IMPG2: variants seen among roughly 807,000 people sequenced by gnomAD.
IMPG2 encodes IPM 200.
A neutral mutation model predicts 129.2 loss-of-function variants in IMPG2; 91 were observed. That is an observed-to-expected ratio of 0.70 (90% CI 0.59 to 0.84). The LOEUF (loss-of-function observed/expected upper bound fraction) is 0.84. IMPG2 is among the 40% of genes least tolerant of loss of function. The probability of loss-of-function intolerance (pLI) is 0.00; values close to 1 mark genes in which losing one functional copy is unlikely to be tolerated. For missense variants in IMPG2, 1,430 were observed against 1,461.7 expected (o/e 0.98, Z 0.35); for synonymous variants, 510 against 517.7 (o/e 0.99, Z 0.20).
At chr3:101,240,119 TTTTTTA>T (rs1559641598) in intron 14 of IMPG2, among the ~76,000 whole-genome samples, 1 of 152,102 alleles carries the variant, frequency 6.6e-6, no homozygotes, top group African/African-American at 2.4e-5. Context: ...TTATTTTTTA[TTTTTTA>T]TTTTTTTTTA....
At chr3:101,286,285 C>T (rs1706945086) in intron 4 of IMPG2, among the ~76,000 whole-genome samples, 1 of 152,034 alleles carries the variant, frequency 6.6e-6, no homozygotes, top group African/African-American at 2.4e-5. Context: ...TATTCTAAAA[C>T]ATTTAAAAGG....
At chr3:101,278,452 T>G (rs77775200) in intron 4 of IMPG2, among the ~76,000 whole-genome samples, 2,122 of 152,210 alleles carry the variant, frequency 0.014, 50 homozygotes, top group African/African-American at 0.049. Flanking sequence ...GCACACACTT[T>G]GAGGCATCAG....
chr3:101,294,239 C>A (rs976876136), intron 3 of IMPG2, among the ~76,000 whole-genome samples: 12 of 151,998 alleles, frequency 7.9e-5, no homozygotes, highest in Admixed American at 1.3e-4. Context: ...CTCTCCCTCC[C>A]CTTGGCCCCC....
intron 6 of IMPG2, among the ~76,000 whole-genome samples, 158 bp from the exon 7 acceptor site, chr3:101,273,900 T>C (rs549923016): frequency 6.6e-6 from 1 of 152,206 alleles, no homozygotes; most frequent in Admixed American, 6.6e-5. Flanking sequence ...GGGTAGACTT[T>C]AAGACACAGG....
intron 2 of IMPG2, among the ~76,000 whole-genome samples, chr3:101,308,527 C>T (rs867915332): frequency 6.6e-6 from 1 of 152,244 alleles, no homozygotes; most frequent in Non-Finnish European, 1.5e-5. Context: ...ATGTTGGCCC[C>T]TTTTAGCCAT....
chr3:101,318,026 C>T (rs1335360416), intron 2 of IMPG2, among the ~76,000 whole-genome samples: 3 of 151,786 alleles, frequency 2.0e-5, no homozygotes, highest in East Asian at 1.9e-4. Flanking sequence ...ATCCCAGCTA[C>T]TTGGGAGGCT....
chr3:101,232,859 C>T lies in IMPG2; in HGVS notation c.3155G>A (p.Ser1052Asn). The T allele has an allele frequency of 6.2e-7, 1 of 1,613,822 alleles. No individual in the cohort carries two copies. Among genetic ancestry groups the T allele is most frequent in the Non-Finnish European group, 8.5e-7 (1 of 1,179,990 alleles). ...GAAGTCAGGCTGTAGGTCACAGAGACTCTGACAGGGCCGTTCTTCCACACT... is the reference window on the plus strand; with the variant it reads ...GAAGTCAGGCTGTAGGTCACAGAGATTCTGACAGGGCCGTTCTTCCACACT... ...YLSVEERPCQSLCDLQPDFCL... is the reference protein window; with the variant it reads ...YLSVEERPCQNLCDLQPDFCL... Residue 1052 changes from serine to asparagine, a missense_variant, in exon 15 of 19, where the codon AGT (serine) becomes AAT (asparagine). By Grantham distance (46) the Ser-to-Asn change is conservative (BLOSUM62 1). Coordinates refer to ENST00000193391, the MANE Select transcript of IMPG2 (RefSeq NM_016247.4).
intron 4 of IMPG2, among the ~76,000 whole-genome samples, chr3:101,280,545 T>C (rs79521492): frequency 6.6e-6 from 1 of 152,290 alleles, no homozygotes; most frequent in East Asian, 1.9e-4. Flanking sequence ...TAAAATATTA[T>C]ATGCAGAAGC....
intron 13 of IMPG2, among the ~76,000 whole-genome samples, chr3:101,243,262 A>G (rs1051688318): frequency 6.6e-6 from 1 of 152,216 alleles, no homozygotes; most frequent in South Asian, 2.1e-4. Context: ...AGAAATGTCA[A>G]ACTTACTGTA....
At chr3:101,227,059 C>T (rs1559638087) in intron 18 of IMPG2, 78 bp from the exon 19 acceptor site, 2 of 1,337,002 alleles carry the variant, frequency 1.5e-6, no homozygotes, top group East Asian at 4.6e-5. Flanking sequence ...TCATACATCA[C>T]TAAGCTATAC....
chr3:101,314,755 AT>A (rs2058775624), intron 2 of IMPG2, among the ~76,000 whole-genome samples: 1 of 152,208 alleles, frequency 6.6e-6, no homozygotes, highest in African/African-American at 2.4e-5. Context: ...AAATGAATGA[AT>A]AAAAATCAGA....
intron 4 of IMPG2, among the ~76,000 whole-genome samples, chr3:101,287,526 T>G (rs1409901391): frequency 6.6e-6 from 1 of 152,124 alleles, no homozygotes; most frequent in Non-Finnish European, 1.5e-5. Context: ...AGAATGGTAC[T>G]GGTACAAAAA....
chr3:101,280,709 G>T (rs747963111), intron 4 of IMPG2, among the ~76,000 whole-genome samples: 1 of 152,122 alleles, frequency 6.6e-6, no homozygotes, highest in Non-Finnish European at 1.5e-5. Flanking sequence ...ACTTTGGGAG[G>T]CCGAGGTGGA....
rs186414527 is a variant in IMPG2 at position 101,265,355 on chromosome 3, G to A, written c.908+2156C>T. 2.8e-3 allele frequency among the ~76,000 whole-genome samples: 429 copies of A among 152,028 alleles called. 1 individual carries two copies. Among genetic ancestry groups the A allele is most frequent in the African/African-American group, 0.01 (415 of 41,480 alleles). ...GTACTAGCAATAAAAACAGGCACAC[G>A]GATCAGTGGAACAGAATAGAGAATC... On this transcript the variant is annotated intron_variant, in intron 9 of 18. Transcript: ENST00000193391.
intron 11 of IMPG2, among the ~76,000 whole-genome samples, chr3:101,253,387 T>C (rs1192606085): frequency 6.6e-6 from 1 of 152,152 alleles, no homozygotes; most frequent in African/African-American, 2.4e-5. Context: ...TGGGTAACTC[T>C]CAGAGAACAA....
Position 101,264,718 on chromosome 3 carries a change from T to A in IMPG2, c.908+2793A>T, listed in dbSNP as rs1167567721. On this transcript the variant is annotated intron_variant, in intron 9 of 18. Coordinates refer to ENST00000193391, the MANE Select transcript of IMPG2 (RefSeq NM_016247.4). ...AGCCAGAGCAATCAAGCAAAAGGAA[T>A]AAATAAAAGACATACAAATTGGAAA... 2.6e-5 allele frequency among the ~76,000 whole-genome samples: 4 copies of A among 151,868 alleles called. No individual in the cohort carries two copies. In the East Asian group the frequency reaches 7.7e-4, roughly 29 times the overall value.
At chr3:101,227,030 TAATAA>T (rs1312205242) in intron 18 of IMPG2, 49 bp from the exon 19 acceptor site, 1 of 1,591,812 alleles carries the variant, frequency 6.3e-7, no homozygotes, top group Admixed American at 1.7e-5. Flanking sequence ...AGCAAGAATG[TAATAA>T]AATGCAATTA....
chr3:101,319,255 C>T (rs1329863053), intron 2 of IMPG2, among the ~76,000 whole-genome samples: 1 of 152,184 alleles, frequency 6.6e-6, no homozygotes. Flanking sequence ...ATTGTGACTG[C>T]CCTCATGTGA....
chr3:101,249,249 T>G (rs1006053282), intron 11 of IMPG2, among the ~76,000 whole-genome samples: 1 of 152,222 alleles, frequency 6.6e-6, no homozygotes, highest in Admixed American at 6.6e-5. Context: ...TTCTAGATGA[T>G]TCTGTTACTG....
Sources: allele counts gnomAD v4.1 joint callset (sites outside exome capture counted in the v4.1 genomes callset), GRCh38; gene constraint gnomAD v4.1.1; transcripts MANE v1.5; gene names NCBI Gene and HGNC (gene_info 2026-07-23, HGNC 2026-07-21).